SDK1: variants seen among roughly 807,000 people sequenced by gnomAD.
SDK1 encodes the protein protein sidekick-1.
In SDK1, 157 loss-of-function variants were observed where a neutral mutation model predicts 245.5. That is an observed-to-expected ratio of 0.64 (90% CI 0.56 to 0.73). The LOEUF (loss-of-function observed/expected upper bound fraction) is 0.73. Ranked by LOEUF, SDK1 falls within the 30% of genes least tolerant of loss-of-function variation. The pLI is 0.00. For missense variants in SDK1, 3,583 were observed against 3,002.3 expected (o/e 1.19, Z -4.52); for synonymous variants, 1,647 against 1,278.5 (o/e 1.29, Z -6.15).
chr7:4,053,421 C>T lies in SDK1; in HGVS notation c.2911+1591C>T, dbSNP rs184756508. On this transcript the variant is annotated intron_variant, in intron 19 of 44. Transcript: ENST00000404826. ...TCTAAGGGTCCTCCGTCATCCTGTTCCCTTCTTCCCCTCTCTGTCTTCATG... is the reference window on the plus strand; with the variant it reads ...TCTAAGGGTCCTCCGTCATCCTGTTTCCTTCTTCCCCTCTCTGTCTTCATG... Among the ~76,000 whole-genome samples, 45 of 152,206 alleles carry T rather than the reference C, an allele frequency of 3.0e-4. 1 individual carries two copies. In the East Asian group the frequency reaches 8.2e-3, roughly 28 times the overall value.
chr7:4,084,674 ACGT>A lies in SDK1; in HGVS notation c.3324+5091_3324+5093del, dbSNP rs1230108296. On this transcript the variant is annotated intron_variant, in intron 22 of 44. Transcript: ENST00000404826. ...TGACCTTAAATGTATATGTTATGTT[ACGT>A]TATGTTATGTTATGTTATGTTATGT... Among the ~76,000 whole-genome samples, 13 of 91,188 alleles carry A rather than the reference ACGT, an allele frequency of 1.4e-4. No homozygotes were observed. The African/African-American group carries it at 1.4e-3, about 10-fold the overall frequency. 59.8% of individuals were successfully genotyped at this position (91,188 alleles called of 152,430 possible).
chr7:3,483,701 G>C (rs1781588485), intron 1 of SDK1, among the ~76,000 whole-genome samples: 1 of 151,972 alleles, frequency 6.6e-6, no homozygotes, highest in Non-Finnish European at 1.5e-5. Context: ...CCTTTTATCA[G>C]AATTTGCTAA....
At chr7:3,396,840 T>G (rs1778722151) in intron 1 of SDK1, among the ~76,000 whole-genome samples, 1 of 151,578 alleles carries the variant, frequency 6.6e-6, no homozygotes, top group East Asian at 1.9e-4. Flanking sequence ...GTCTAATTCA[T>G]TTATATTTAT....
rs73312019 is a variant in SDK1 at position 3,863,132 on chromosome 7, G to A, written c.847+41549G>A. Reference sequence around the variant, plus strand: ...GACTGCTGGTGCAAACCCTCAGCCTGGTTCCTGTCCTCCTGAGCCATTCAC... The same window carrying A: ...GACTGCTGGTGCAAACCCTCAGCCTAGTTCCTGTCCTCCTGAGCCATTCAC... On this transcript the variant is annotated intron_variant, in intron 5 of 44. Coordinates refer to ENST00000404826, the MANE Select transcript of SDK1 (RefSeq NM_152744.4). 7.8e-3 allele frequency among the ~76,000 whole-genome samples: 1,187 copies of A among 152,282 alleles called. 15 individuals are homozygous for A. The highest frequency in any genetic ancestry group is 0.026 in the African/African-American group (1,101 of 41,556).
At chr7:3,590,867 T>C (rs769401241) in intron 1 of SDK1, among the ~76,000 whole-genome samples, 1 of 151,346 alleles carries the variant, frequency 6.6e-6, no homozygotes, top group Non-Finnish European at 1.5e-5. Context: ...ACTGTGGCCT[T>C]GACCTCCCAG....
At chr7:3,901,775 G>A (rs964130600) in intron 5 of SDK1, among the ~76,000 whole-genome samples, 4 of 152,142 alleles carry the variant, frequency 2.6e-5, no homozygotes, top group Non-Finnish European at 5.9e-5. Context: ...TCCTTTGTGT[G>A]TTTATTAGGT....
At chr7:3,957,710 T>A (rs965845184) in intron 7 of SDK1, among the ~76,000 whole-genome samples, 1 of 152,192 alleles carries the variant, frequency 6.6e-6, no homozygotes, top group African/African-American at 2.4e-5. Flanking sequence ...TTCATGATTA[T>A]TGATTGAGGA....
intron 5 of SDK1, among the ~76,000 whole-genome samples, chr7:3,943,077 G>A (rs1313517517): frequency 3.9e-5 from 6 of 152,200 alleles, no homozygotes; most frequent in African/African-American, 1.4e-4. Context: ...AGGAGCACTC[G>A]GCTGTGAATC....
intron 13 of SDK1, among the ~76,000 whole-genome samples, chr7:3,980,284 A>G (rs1243813821): frequency 6.6e-6 from 1 of 152,118 alleles, no homozygotes; most frequent in Non-Finnish European, 1.5e-5. Context: ...TCTCTCCCGT[A>G]CTGTTGGGTT....
At chr7:3,920,869 G>GA (rs1254667725) in intron 5 of SDK1, among the ~76,000 whole-genome samples, 29 of 152,212 alleles carry the variant, frequency 1.9e-4, no homozygotes, top group Non-Finnish European at 4.0e-4. Flanking sequence ...ATTGAGTGCT[G>GA]AAGAAGGCGT....
chr7:3,760,765 G>A (rs1041021670), intron 4 of SDK1, among the ~76,000 whole-genome samples: 1 of 152,154 alleles, frequency 6.6e-6, no homozygotes, highest in African/African-American at 2.4e-5. Flanking sequence ...TTCCGTTTTT[G>A]CCTTTCTCAG....
chr7:4,220,950 CT>C (rs953032041), intron 39 of SDK1, among the ~76,000 whole-genome samples: 1 of 148,838 alleles, frequency 6.7e-6, no homozygotes, highest in Non-Finnish European at 1.5e-5. Flanking sequence ...CACCTGGCTA[CT>C]TTTTTTTGTA....
chr7:4,056,942 A>G (rs1444686992), intron 19 of SDK1, among the ~76,000 whole-genome samples: 3 of 152,078 alleles, frequency 2.0e-5, no homozygotes, highest in African/African-American at 4.8e-5. Flanking sequence ...CCTGCCCACA[A>G]CCACCACCAC....
intron 1 of SDK1, among the ~76,000 whole-genome samples, chr7:3,542,724 G>A (rs1317011906): frequency 6.6e-6 from 1 of 152,116 alleles, no homozygotes; most frequent in African/African-American, 2.4e-5. Flanking sequence ...CTTAGAAACT[G>A]TGTGTTAGGT....
At chr7:3,345,378 A>G (rs1268415360) in intron 1 of SDK1, among the ~76,000 whole-genome samples, 1 of 152,230 alleles carries the variant, frequency 6.6e-6, no homozygotes, top group Non-Finnish European at 1.5e-5. Context: ...TAAACGTAGT[A>G]TGTCAGCAAA....
chr7:3,950,686 T>A (rs150917511), intron 5 of SDK1, among the ~76,000 whole-genome samples: 256 of 152,296 alleles, frequency 1.7e-3, no homozygotes, highest in Non-Finnish European at 2.6e-3. Flanking sequence ...AACGCGCTTT[T>A]GTAGCCCCGT....
chr7:3,888,981 T>A (rs1288027021), intron 5 of SDK1, among the ~76,000 whole-genome samples: 1 of 152,184 alleles, frequency 6.6e-6, no homozygotes, highest in African/African-American at 2.4e-5. Flanking sequence ...ATAGCATAAT[T>A]TTGTTGCTAT....
chr7:4,073,587 C>G (rs1437151112), intron 20 of SDK1, among the ~76,000 whole-genome samples: 1 of 152,192 alleles, frequency 6.6e-6, no homozygotes, highest in African/African-American at 2.4e-5. Flanking sequence ...TTCTGGCAGA[C>G]AAGTTGTAAT....
At chr7:3,705,535 C>G (rs1037725737) in intron 4 of SDK1, among the ~76,000 whole-genome samples, 1 of 148,242 alleles carries the variant, frequency 6.7e-6, no homozygotes, top group African/African-American at 2.5e-5. Flanking sequence ...GGATTGAGTT[C>G]ATGATTTGAG....
Sources: allele counts gnomAD v4.1 joint callset (sites outside exome capture counted in the v4.1 genomes callset), GRCh38; gene constraint gnomAD v4.1.1; transcripts MANE v1.5; gene names NCBI Gene and HGNC (gene_info 2026-07-23, HGNC 2026-07-21).